POU2F1: variants seen among roughly 807,000 people sequenced by gnomAD.
POU2F1 encodes POU class 2 homeobox 1, also known as POU domain, class 2, transcription factor 1.
POU2F1 carries 16 observed loss-of-function variants against 84.9 expected under a neutral mutation model. The ratio of observed to expected loss-of-function variants is 0.19; its 90% CI spans 0.13 to 0.29. The LOEUF is 0.29. Among genes scored for constraint, POU2F1 ranks in the 10% least tolerant of loss-of-function variants. The pLI is 1.00. For synonymous variants in POU2F1, 368 were observed against 368.3 expected (o/e 1.00, Z 0.01); for missense variants, 738 against 942.6 (o/e 0.78, Z 2.84).
chr1:167,413,472 G>A (rs767663781), intron 15 of POU2F1, among the ~76,000 whole-genome samples: 6 of 151,984 alleles, frequency 3.9e-5, no homozygotes, highest in South Asian at 2.1e-4. Context: ...TCTAAAACCC[G>A]TCTCTAGGCA....
At chr1:167,374,944 G>A (rs765855917) in intron 6 of POU2F1, among the ~76,000 whole-genome samples, 18 of 151,982 alleles carry the variant, frequency 1.2e-4, no homozygotes, top group Non-Finnish European at 2.4e-4. Context: ...GCAGGTGCCT[G>A]TAATCCCAGC....
At chr1:167,377,802 C>T (rs1557940243) in intron 7 of POU2F1, among the ~76,000 whole-genome samples, 1 of 152,112 alleles carries the variant, frequency 6.6e-6, no homozygotes, top group African/African-American at 2.4e-5. Context: ...GTAGTTTTTT[C>T]GATTCTCATC....
chr1:167,304,479 T>A (rs1654925177), intron 1 of POU2F1, among the ~76,000 whole-genome samples: 1 of 152,182 alleles, frequency 6.6e-6, no homozygotes, highest in South Asian at 2.1e-4. Flanking sequence ...CTTATTTTTT[T>A]AAACGAAAAT....
At chr1:167,358,023 C>T (rs1014786336) in intron 2 of POU2F1, among the ~76,000 whole-genome samples, 3 of 151,314 alleles carry the variant, frequency 2.0e-5, no homozygotes, top group South Asian at 2.1e-4. Flanking sequence ...AGGATGGTCT[C>T]GATCTCTTGA....
chr1:167,265,141 T>C (rs1320793925), intron 1 of POU2F1, among the ~76,000 whole-genome samples: 1 of 152,230 alleles, frequency 6.6e-6, no homozygotes, highest in Non-Finnish European at 1.5e-5. Context: ...TGTGTAATGC[T>C]GTATATAACA....
rs986623151 is a variant in POU2F1, at chr1:167,427,075, C to T, written c.*11265C>T. On this transcript the variant is annotated 3_prime_UTR_variant, in exon 16 of 16. Transcript: ENST00000367866. ...CATTTTGGGGAATTAGCTGATGCCT[C>T]CTGAAGCCTGAGGAGGTGGCGGGGA... 46 of 152,184 alleles carry T rather than the reference C, an allele frequency of 3.0e-4. No individual in the cohort carries two copies. Among genetic ancestry groups the T allele is most frequent in the African/African-American group, 1.1e-3 (45 of 41,434 alleles). The allele number at this position is 152,184 out of a possible 1,614,324, so 9.4% of individuals were successfully genotyped here.
intron 1 of POU2F1, among the ~76,000 whole-genome samples, chr1:167,321,176 G>C (rs962847946): frequency 1.5e-4 from 23 of 152,188 alleles, no homozygotes; most frequent in African/African-American, 5.6e-4. Context: ...TCCATATAAT[G>C]AATAATGTAA....
At chr1:167,313,493 GA>G (rs1655643844) in intron 1 of POU2F1, among the ~76,000 whole-genome samples, 1 of 152,162 alleles carries the variant, frequency 6.6e-6, no homozygotes, top group Non-Finnish European at 1.5e-5. Flanking sequence ...CAGTGGAACG[GA>G]ATATTGAACC....
At chr1:167,268,693 A>G (rs1652156402) in intron 1 of POU2F1, among the ~76,000 whole-genome samples, 1 of 152,168 alleles carries the variant, frequency 6.6e-6, no homozygotes, top group Admixed American at 6.5e-5. Context: ...GTCTTTAGGC[A>G]TTCTTATACA....
chr1:167,241,027 A>T (rs1649863148), intron 1 of POU2F1, among the ~76,000 whole-genome samples: 1 of 152,138 alleles, frequency 6.6e-6, no homozygotes. Flanking sequence ...CTGTAATCCC[A>T]GCTACTCGGG....
intron 9 of POU2F1, among the ~76,000 whole-genome samples, chr1:167,393,490 A>G (rs1359429170): frequency 6.6e-6 from 1 of 151,858 alleles, no homozygotes; most frequent in Non-Finnish European, 1.5e-5. Context: ...TATATATTTT[A>G]TTTACTTATT....
At chr1:167,361,967 A>G (rs1007978654) in intron 2 of POU2F1, among the ~76,000 whole-genome samples, 2 of 151,732 alleles carry the variant, frequency 1.3e-5, no homozygotes, top group Non-Finnish European at 2.9e-5. Context: ...AGGTGCTCCT[A>G]TTATGTCTCC....
rs570069563 is a variant in POU2F1, at chr1:167,368,780, A to G, written c.229-1381A>G. Among the ~76,000 whole-genome samples, 346 of 152,322 alleles carry G rather than the reference A, an allele frequency of 2.3e-3. 2 individuals carry two copies. The highest frequency in any genetic ancestry group is 5.2e-3 in the Admixed American group (80 of 15,290). On this transcript the variant is annotated intron_variant, in intron 3 of 15. Transcript: ENST00000367866. Reference sequence around the variant, plus strand: ...GGACTAGCAGTTTCAAATAAAGGACATAGTAGTCAATTCATTTTAGCTCTT... The same window carrying G: ...GGACTAGCAGTTTCAAATAAAGGACGTAGTAGTCAATTCATTTTAGCTCTT...
chr1:167,372,708 G>C (rs902801421), intron 5 of POU2F1, among the ~76,000 whole-genome samples: 9 of 152,124 alleles, frequency 5.9e-5, no homozygotes, highest in Non-Finnish European at 1.0e-4. Flanking sequence ...GAGACGTTCT[G>C]TCATTTATTT....
intron 2 of POU2F1, among the ~76,000 whole-genome samples, chr1:167,346,739 C>G (rs1157964566): frequency 6.6e-6 from 1 of 152,200 alleles, no homozygotes. Flanking sequence ...GCAGCCTGTT[C>G]CTAGCAGGCC....
chr1:167,265,153 G>A (rs2102448312), intron 1 of POU2F1, among the ~76,000 whole-genome samples: 1 of 152,296 alleles, frequency 6.6e-6, no homozygotes, highest in East Asian at 1.9e-4. Context: ...TATATAACAG[G>A]CATTCAGTAA....
intron 1 of POU2F1, among the ~76,000 whole-genome samples, chr1:167,236,764 G>A (rs928756172): frequency 5.3e-5 from 8 of 152,170 alleles, no homozygotes; most frequent in African/African-American, 1.9e-4. Context: ...GTCAGCTGTG[G>A]CACTGTGGTC....
At chr1:167,238,548 G>A (rs1487094342) in intron 1 of POU2F1, among the ~76,000 whole-genome samples, 6 of 152,108 alleles carry the variant, frequency 3.9e-5, no homozygotes, top group African/African-American at 1.2e-4. Context: ...ATTTCAGAAT[G>A]CCCCTGTATA....
At chr1:167,250,795 G>C (rs1650670866) in intron 1 of POU2F1, among the ~76,000 whole-genome samples, 2 of 152,128 alleles carry the variant, frequency 1.3e-5, no homozygotes, top group African/African-American at 4.8e-5. Context: ...CTAGAGCACT[G>C]TTTTTAAAAA....
Sources: gnomAD v4.1 joint callset for allele counts (sites outside exome capture counted in the v4.1 genomes callset) on GRCh38, gnomAD v4.1.1 for gene constraint, MANE v1.5 for transcripts, NCBI Gene and HGNC (gene_info 2026-07-23, HGNC 2026-07-21) for gene names.